ABTB2: variants seen among roughly 807,000 people sequenced by gnomAD.
The protein encoded by ABTB2 is ankyrin repeat and BTB/POZ domain-containing protein 2.
ABTB2 carries 56 observed loss-of-function variants against 104.1 expected under a neutral mutation model. That is an observed-to-expected ratio of 0.54 (90% CI 0.43 to 0.67). The LOEUF (loss-of-function observed/expected upper bound fraction) is 0.67. ABTB2 is among the 30% of genes least tolerant of loss of function. ABTB2 has a pLI of 0.00. For synonymous variants in ABTB2, 606 were observed against 608.2 expected, an observed-to-expected ratio of 1.00 and a Z score of 0.05; for missense variants, 1,279 against 1,407.7, an observed-to-expected ratio of 0.91 and a Z score of 1.46.
At chr11:34,345,815 T>C (rs10742312) in intron 1 of ABTB2, among the ~76,000 whole-genome samples, 23,338 of 152,084 alleles carry the variant, frequency 0.15, 3,097 homozygotes, top group East Asian at 0.35. Context: ...GCTGCTGAGA[T>C]GGGCTGAAGA....
chr11:34,225,508 C>A (rs1047957703), intron 1 of ABTB2, among the ~76,000 whole-genome samples: 2 of 152,122 alleles, frequency 1.3e-5, no homozygotes, highest in Non-Finnish European at 2.9e-5. Flanking sequence ...GTAATCCCAG[C>A]ACTTTGGGAG....
chr11:34,190,111 GTGCCTATA>G (rs572993114), intron 3 of ABTB2, among the ~76,000 whole-genome samples: 30 of 152,290 alleles, frequency 2.0e-4, no homozygotes, highest in African/African-American at 4.8e-4. Context: ...ATGGTGGCAT[GTGCCTATA>G]ATCCCAGCTA....
At chr11:34,333,035 T>TCAAAAA (rs1855151319) in intron 1 of ABTB2, among the ~76,000 whole-genome samples, 1 of 152,062 alleles carries the variant, frequency 6.6e-6, no homozygotes. Context: ...GCATCAAGGG[T>TCAAAAA]TTTACAAATA....
intron 1 of ABTB2, among the ~76,000 whole-genome samples, chr11:34,216,917 C>T (rs191991036): frequency 2.9e-3 from 437 of 152,322 alleles, no homozygotes; most frequent in Middle Eastern, 6.8e-3. Flanking sequence ...ACCAGTGTGC[C>T]ATGGTTGGTT....
At chr11:34,229,406 G>A (rs1312494875) in intron 1 of ABTB2, among the ~76,000 whole-genome samples, 7 of 151,316 alleles carry the variant, frequency 4.6e-5, no homozygotes, top group East Asian at 3.9e-4. Flanking sequence ...GCGTGAACCC[G>A]GGAGGTGGAG....
chr11:34,290,700 C>G (rs2755153), intron 1 of ABTB2, among the ~76,000 whole-genome samples: 52,079 of 151,834 alleles, frequency 0.34, 10,196 homozygotes, highest in East Asian at 0.65. Context: ...AAAAGAAAAA[C>G]AAAGAAAGAA....
intron 3 of ABTB2, chr11:34,189,353 G>T (rs1328664861): frequency 6.6e-6 from 1 of 152,210 alleles, no homozygotes; most frequent in African/African-American, 2.4e-5. Flanking sequence ...TGTAACACCA[G>T]CACTTTGGCA....
chr11:34,184,587 G>A (rs1471398754), intron 3 of ABTB2, among the ~76,000 whole-genome samples: 3 of 152,224 alleles, frequency 2.0e-5, no homozygotes, highest in South Asian at 2.1e-4. Context: ...TTTCCCACAC[G>A]GCAGGGAGAG....
chr11:34,242,143 T>A (rs991035035), intron 1 of ABTB2, among the ~76,000 whole-genome samples: 18 of 152,224 alleles, frequency 1.2e-4, no homozygotes, highest in African/African-American at 4.3e-4. Context: ...AGAGTGGGCT[T>A]TTGCCTTTTA....
chr11:34,186,339 G>T (rs1349444185), intron 3 of ABTB2, among the ~76,000 whole-genome samples: 4 of 152,218 alleles, frequency 2.6e-5, no homozygotes, highest in Admixed American at 6.5e-5. Context: ...GAGCTGCCTG[G>T]CAGGCAAGTG....
At chr11:34,344,304 T>C (rs1855302579) in intron 1 of ABTB2, among the ~76,000 whole-genome samples, 1 of 152,206 alleles carries the variant, frequency 6.6e-6, no homozygotes, top group African/African-American at 2.4e-5. Context: ...ACAAAGAAGC[T>C]GGAAAGCAAA....
chr11:34,295,545 T>C (rs562453481), intron 1 of ABTB2, among the ~76,000 whole-genome samples: 47 of 152,166 alleles, frequency 3.1e-4, no homozygotes, highest in African/African-American at 1.1e-3. Context: ...TGTGGGAAAA[T>C]AGAGTGAGCT....
At chr11:34,297,976 A>C (rs975477696) in intron 1 of ABTB2, among the ~76,000 whole-genome samples, 6 of 152,042 alleles carry the variant, frequency 3.9e-5, no homozygotes, top group Admixed American at 3.9e-4. Context: ...TACCATATAC[A>C]AACACTGTAA....
At chr11:34,288,810 C>T (rs967667896) in intron 1 of ABTB2, among the ~76,000 whole-genome samples, 8 of 152,148 alleles carry the variant, frequency 5.3e-5, no homozygotes, top group Non-Finnish European at 7.4e-5. Flanking sequence ...TACATGGAAA[C>T]GCTCTGCTCT....
intron 3 of ABTB2, among the ~76,000 whole-genome samples, chr11:34,181,313 A>G (rs1405856694): frequency 6.6e-6 from 1 of 152,204 alleles, no homozygotes; most frequent in African/African-American, 2.4e-5. Context: ...TTGGGATTAC[A>G]GTCCTATAAG....
intron 1 of ABTB2, among the ~76,000 whole-genome samples, chr11:34,279,171 A>C (rs1854420811): frequency 6.6e-6 from 1 of 152,220 alleles, no homozygotes; most frequent in South Asian, 2.1e-4. Context: ...AGTGAGATAG[A>C]ATGAGCATTA....
At chr11:34,312,809 T>C (rs1854873836) in intron 1 of ABTB2, among the ~76,000 whole-genome samples, 1 of 152,156 alleles carries the variant, frequency 6.6e-6, no homozygotes, top group Non-Finnish European at 1.5e-5. Context: ...CAGGCAAGCC[T>C]CTCACCTCAG....
chr11:34,287,871 C>T (rs1854524939), intron 1 of ABTB2, among the ~76,000 whole-genome samples: 1 of 152,038 alleles, frequency 6.6e-6, no homozygotes, highest in Non-Finnish European at 1.5e-5. Flanking sequence ...CTCCACTCCC[C>T]CAGAAAAGTG....
intron 1 of ABTB2, among the ~76,000 whole-genome samples, chr11:34,274,276 G>T (rs1854356707): frequency 1.3e-5 from 2 of 151,356 alleles, no homozygotes; most frequent in Admixed American, 1.3e-4. Context: ...TCATGATGTG[G>T]CACTATCACC....
Sources: allele counts gnomAD v4.1 joint callset (sites outside exome capture counted in the v4.1 genomes callset), GRCh38; gene constraint gnomAD v4.1.1; transcripts MANE v1.5; gene names NCBI Gene and HGNC (gene_info 2026-07-23, HGNC 2026-07-21).